Variants in CLPTM1 observed in about 807,000 individuals in gnomAD.
The protein encoded by CLPTM1 is putative lipid scramblase CLPTM1.
In CLPTM1, 21 loss-of-function variants were observed where a neutral mutation model predicts 77.3. The ratio of observed to expected loss-of-function variants is 0.27; its 90% CI spans 0.19 to 0.39. CLPTM1 has a LOEUF of 0.39. CLPTM1 is among the 10% of genes least tolerant of loss of function. The pLI is 1.00. For synonymous variants in CLPTM1, 373 were observed against 381.0 expected, an observed-to-expected ratio of 0.98 and a Z score of 0.24; for missense variants, 642 against 921.2, an observed-to-expected ratio of 0.70 and a Z score of 3.92.
chr19:44,956,862 A>G (rs959243306), intron 1 of CLPTM1, among the ~76,000 whole-genome samples: 2 of 152,124 alleles, frequency 1.3e-5, no homozygotes, highest in Admixed American at 6.6e-5. Flanking sequence ...TTAATAAATC[A>G]CAGTCTTGCA....
intron 5 of CLPTM1, 53 bp from the exon 6 acceptor site, chr19:44,985,165 C>A (rs928956082): frequency 7.4e-7 from 1 of 1,345,496 alleles, no homozygotes; most frequent in Non-Finnish European, 1.1e-6. Context: ...GCTCTGGAGG[C>A]TGCAGGTGCC....
chr19:44,972,466 G>T (rs1484729897), intron 2 of CLPTM1, among the ~76,000 whole-genome samples: 1 of 151,748 alleles, frequency 6.6e-6, no homozygotes, highest in South Asian at 2.1e-4. Flanking sequence ...AGCCAGGATG[G>T]TCTCAATCTC....
chr19:44,954,893 A>G, upstream of CLPTM1: 1 of 1,325,088 alleles, frequency 7.5e-7, no homozygotes, highest in Non-Finnish European at 1.0e-6. Flanking sequence ...GTCAGAAGAC[A>G]AGGGTGCTGG....
rs1048270427 is a variant in CLPTM1 at position 44,992,110 on chromosome 19, A to ATAGGAAGTGGTAGAGTGTGCCCAGGTG, written c.1556-111_1556-85dup. Reference sequence around the variant, plus strand: ...GGCCGCTGGTAGAGTGTGCCCAGGTATAGGAAGTGGTAGAGTGTGCCCAGG... The same window carrying ATAGGAAGTGGTAGAGTGTGCCCAGGTG: ...GGCCGCTGGTAGAGTGTGCCCAGGTATAGGAAGTGGTAGAGTGTGCCCAGGTGTAGGAAGTGGTAGAGTGTGCCCAGG... On this transcript the variant is annotated intron_variant, in intron 12 of 13. Transcript: ENST00000337392. This position sits in a 1 kb window ranked among gnomAD's most constrained non-coding sequence, Gnocchi z 7.7. 2.1e-4 allele frequency: 201 copies of ATAGGAAGTGGTAGAGTGTGCCCAGGTG among 950,524 alleles called. 1 individual carries two copies. The African/African-American group carries it at 2.9e-3, about 14-fold the overall frequency. The allele number at this position is 950,524 out of a possible 1,614,324, so 58.9% of individuals were successfully genotyped here.
At chr19:44,954,993 G>GGT, upstream of CLPTM1, 1 of 1,535,584 alleles carries the variant, frequency 6.5e-7, no homozygotes. Flanking sequence ...TACAGTGGCC[G>GGT]GTAAAGCTCA....
intron 1 of CLPTM1, among the ~76,000 whole-genome samples, chr19:44,958,055 G>A (rs1456114398): frequency 2.0e-5 from 3 of 152,058 alleles, no homozygotes; most frequent in Non-Finnish European, 4.4e-5. Flanking sequence ...CTGGGATGGG[G>A]ATAGGAAGTG....
intron 2 of CLPTM1, among the ~76,000 whole-genome samples, chr19:44,967,154 G>C (rs532998936): frequency 5.3e-5 from 8 of 151,974 alleles, no homozygotes; most frequent in Middle Eastern, 3.4e-3. Flanking sequence ...CCCCATCTCT[G>C]TAAAAAACTA....
At chr19:44,987,533 G>A (rs1276630976) in intron 8 of CLPTM1, 110 bp downstream of exon 8, 1 of 1,437,960 alleles carries the variant, frequency 7.0e-7, no homozygotes, top group East Asian at 2.4e-5. Flanking sequence ...GTGCTCCTCT[G>A]CCCACAGTTT....
chr19:44,980,508 CAAAA>C (rs74516090), intron 5 of CLPTM1, among the ~76,000 whole-genome samples: 3 of 93,088 alleles, frequency 3.2e-5, no homozygotes, highest in Non-Finnish European at 2.2e-5. Context: ...GACTCCATCT[CAAAA>C]AAAAAAAAAA....
intron 2 of CLPTM1, among the ~76,000 whole-genome samples, chr19:44,964,941 G>A (rs986229863): frequency 6.6e-6 from 1 of 152,150 alleles, no homozygotes; most frequent in Non-Finnish European, 1.5e-5. Context: ...TCAAAGCCCA[G>A]CTTCTGTTTG....
Position 44,990,834 on chromosome 19 carries a change from C to A in CLPTM1, c.1324-16C>A, listed in dbSNP as rs762940200. ...GCCAGCGTAGCAACTGACCATGGCA[C>A]CCACCTCATCCACAGCTGGACCGAG... On this transcript the variant is annotated splice_polypyrimidine_tract_variant and intron_variant, in intron 10 of 13. Transcript: ENST00000337392. The surrounding 1 kb of genome is among the most constrained non-coding windows in gnomAD (Gnocchi z 4.8). The A allele has an allele frequency of 6.2e-7, 1 of 1,604,838 alleles. No individual in the cohort carries two copies. Among genetic ancestry groups the A allele is most frequent in the African/African-American group, 1.3e-5 (1 of 74,768 alleles).
At chr19:44,970,070 A>G (rs1970694604) in intron 2 of CLPTM1, among the ~76,000 whole-genome samples, 1 of 147,596 alleles carries the variant, frequency 6.8e-6, no homozygotes, top group African/African-American at 2.6e-5. Context: ...TGTCCTAGTC[A>G]TTATACTTGA....
At position 44,972,970 on chromosome 19, in the gene CLPTM1, C is replaced by G. The variant is rs1474645405; in HGVS notation, c.186-117C>G. ...GACTACCTTCTCAGGGCCTCCCTGA[C>G]TTGGTCACTAGCCCCAGGTCAGGCG... On this transcript the variant is annotated intron_variant, in intron 2 of 13. Transcript: ENST00000337392. The G allele has an allele frequency of 1.2e-5, 17 of 1,423,430 alleles. No homozygotes were observed. In the East Asian group the frequency reaches 3.0e-4, roughly 25 times the overall value. 88.2% of individuals were successfully genotyped at this position (1,423,430 alleles called of 1,614,324 possible).
At chr19:44,986,847 C>G in intron 7 of CLPTM1, 1 of 534,118 alleles carries the variant, frequency 1.9e-6, no homozygotes, top group Non-Finnish European at 3.3e-6. Flanking sequence ...TGTCTTATCA[C>G]TTGCCAGCTT....
At chr19:44,984,193 C>T (rs1170117309) in intron 5 of CLPTM1, 6 of 152,216 alleles carry the variant, frequency 3.9e-5, no homozygotes, top group African/African-American at 7.2e-5. Context: ...TTTTTGGAAC[C>T]GTCTGCTGCC....
In CLPTM1 at chr19:44,992,675, C is replaced by T. The variant is rs935911390; in HGVS notation, c.1788C>T (p.Asn596=). 1.4e-5 allele frequency: 22 copies of T among 1,613,834 alleles called. No individual in the cohort carries two copies. The East Asian group carries it at 2.5e-4, about 18-fold the overall frequency. Residue 596 remains asparagine (N), a synonymous_variant, in exon 14 of 14, where the codon AAC becomes AAT. Transcript: ENST00000337392. The surrounding 1 kb of genome is among the most constrained non-coding windows in gnomAD (Gnocchi z 7.7). ...WIYRVDPTRV[N]EFGMSGEDPT... is the part of the protein sequence containing the mutation. ...ACCGCGTCGACCCCACCCGAGTCAACGAGTTTGGCATGAGTGGAGAAGACC... is the reference window on the plus strand; with the variant it reads ...ACCGCGTCGACCCCACCCGAGTCAATGAGTTTGGCATGAGTGGAGAAGACC...
In CLPTM1 at chr19:44,988,082, G is replaced by T. The variant is rs778251694; in HGVS notation, c.1041G>T (p.Val347=). The change falls in exon 9 of 14, where the codon GTG becomes GTT. Residue 347 remains valine (V), a splice_region_variant and synonymous_variant. Coordinates refer to ENST00000337392, the MANE Select transcript of CLPTM1 (RefSeq NM_001294.4). The part of the protein sequence containing the change: ...QSDEEQDSVK[V]ALLETNPYLL... Reference sequence around the variant, plus strand: ...GTGCTCACATGTGTCCCCTGCAGGTGGCCCTGCTGGAGACCAACCCCTACC... The same window carrying T: ...GTGCTCACATGTGTCCCCTGCAGGTTGCCCTGCTGGAGACCAACCCCTACC... 1 of 1,608,872 alleles carries T rather than the reference G, an allele frequency of 6.2e-7. No individual in the cohort carries two copies. The highest frequency in any genetic ancestry group is 1.3e-5 in the African/African-American group (1 of 74,806).
At position 44,992,218 on chromosome 19, in the gene CLPTM1, G is replaced by T. The variant is rs1490918139; in HGVS notation, c.1556-15G>T. On this transcript the variant is annotated splice_polypyrimidine_tract_variant and intron_variant, in intron 12 of 13. Transcript: ENST00000337392. This position sits in a 1 kb window ranked among gnomAD's most constrained non-coding sequence, Gnocchi z 7.7. Reference sequence around the variant, plus strand: ...GGAGAGGCCATCCCTCTGCTCATGGGTGCTCTCACTGCAGGCTTCATCACC... The same window carrying T: ...GGAGAGGCCATCCCTCTGCTCATGGTTGCTCTCACTGCAGGCTTCATCACC... The T allele has an allele frequency of 1.2e-6, 2 of 1,613,660 alleles. No individual in the cohort carries two copies. The highest frequency in any genetic ancestry group is 1.1e-5 in the South Asian group (1 of 91,074).
intron 4 of CLPTM1, among the ~76,000 whole-genome samples, chr19:44,975,355 G>A (rs766222396): frequency 6.6e-6 from 1 of 152,218 alleles, no homozygotes; most frequent in Non-Finnish European, 1.5e-5. Context: ...ACTGCCCAAC[G>A]TGGGGCTGGG....
Sources: gnomAD v4.1 joint callset for allele counts (sites outside exome capture counted in the v4.1 genomes callset) on GRCh38, gnomAD v4.1.1 for gene constraint, Gnocchi (gnomAD v3.1) non-coding constraint, MANE v1.5 for transcripts, NCBI Gene and HGNC (gene_info 2026-07-23, HGNC 2026-07-21) for gene names.